The following MRC2 variants were observed in gnomAD, a reference collection of about 807,000 sequenced individuals.
MRC2 encodes mannose receptor C-type 2.
MRC2 carries 84 observed loss-of-function variants against 206.2 expected under a neutral mutation model. The ratio of observed to expected loss-of-function variants is 0.41; its 90% CI spans 0.34 to 0.49. MRC2 has a LOEUF of 0.49. MRC2 is among the 20% of genes least tolerant of loss of function. MRC2 has a pLI of 0.31. For synonymous variants in MRC2, 798 were observed against 800.0 expected (o/e 1.00, Z 0.04); for missense variants, 1,676 against 2,001.5 (o/e 0.84, Z 3.10).
chr17:62,674,702 G>GA (rs986068833), intron 9 of MRC2, among the ~76,000 whole-genome samples: 1 of 125,672 alleles, frequency 8.0e-6, no homozygotes, highest in African/African-American at 4.3e-5. Flanking sequence ...GGGAGGTTGA[G>GA]GGGGGGGGTG....
At chr17:62,689,802 G>T in intron 24 of MRC2, 42 bp downstream of exon 24, 1 of 1,530,160 alleles carries the variant, frequency 6.5e-7, no homozygotes, top group East Asian at 2.4e-5. Context: ...AGCCTTGCCC[G>T]GGTTCCCCTC....
In MRC2 at chr17:62,671,059, G is replaced by A. The variant is rs148064986; in HGVS notation, c.1118-590G>A. 3.2e-3 allele frequency among the ~76,000 whole-genome samples: 494 copies of A among 152,254 alleles called. 2 individuals are homozygous for A. Among genetic ancestry groups the A allele is most frequent in the Admixed American group, 7.7e-3 (118 of 15,300 alleles). ...GGCTGGTTTGTCCTTTCTACCCATC[G>A]TTTATTGACTGATTGATTGATGCAT... On this transcript the variant is annotated intron_variant, in intron 6 of 29. Transcript: ENST00000303375. This position sits in a 1 kb window ranked among gnomAD's most constrained non-coding sequence, Gnocchi z 4.5.
At position 62,678,355 on chromosome 17, in the gene MRC2, C is replaced by T. The variant is rs2088919439; in HGVS notation, c.2053-149C>T. On this transcript the variant is annotated intron_variant, in intron 12 of 29. Transcript: ENST00000303375. ...GCCAGCTCCCCTCCCCAGACCTCTG[C>T]AGATGAACAGGATTGTCCTTAGCTA... 2.1e-5 allele frequency: 23 copies of T among 1,102,536 alleles called. No individual in the cohort carries two copies. In the East Asian group the frequency reaches 3.7e-4, roughly 18 times the overall value. The allele number at this position is 1,102,536 out of a possible 1,614,324, so 68.3% of individuals were successfully genotyped here. A position where few individuals can be genotyped will look rare whatever the true frequency, so the allele number is the denominator to read the frequency against.
intron 6 of MRC2, among the ~76,000 whole-genome samples, chr17:62,668,068 G>A (rs973855333): frequency 6.6e-6 from 1 of 152,160 alleles, no homozygotes; most frequent in Non-Finnish European, 1.5e-5. Context: ...AAGGGGTGGT[G>A]AGTGATGGCC....
chr17:62,659,408 C>T (rs184540901), intron 1 of MRC2, among the ~76,000 whole-genome samples: 4 of 152,224 alleles, frequency 2.6e-5, no homozygotes, highest in African/African-American at 7.2e-5. Context: ...AGCATGGTGA[C>T]GCAGGCCTGT....
At chr17:62,674,248 T>TA in intron 9 of MRC2, 78 bp downstream of exon 9, 1 of 1,040,574 alleles carries the variant, frequency 9.6e-7, no homozygotes, top group Non-Finnish European at 1.4e-6. Context: ...GTGGATGAAC[T>TA]CCTGCTGCCT....
chr17:62,635,933 G>A (rs1598965009), intron 1 of MRC2, among the ~76,000 whole-genome samples: 4 of 151,530 alleles, frequency 2.6e-5, no homozygotes, highest in Non-Finnish European at 4.4e-5. Context: ...GACTACAGGC[G>A]CCCGCCACCA....
At chr17:62,654,094 C>A (rs1598975972) in intron 1 of MRC2, among the ~76,000 whole-genome samples, 1 of 152,126 alleles carries the variant, frequency 6.6e-6, no homozygotes, top group East Asian at 1.9e-4. Flanking sequence ...TGGCTGGCGG[C>A]CCTTTCAGGC....
At position 62,672,548 on chromosome 17, in the gene MRC2, C is replaced by G. The variant is rs2147472731; in HGVS notation, c.1461+396C>G. ...GCAAGCAGGGCTGCACTCTGCCAGC[C>G]CTCGCCCCCAGTGCTCTACCCAGTC... On this transcript the variant is annotated intron_variant, in intron 8 of 29. Coordinates refer to ENST00000303375, the MANE Select transcript of MRC2 (RefSeq NM_006039.5). The surrounding 1 kb of genome is among the most constrained non-coding windows in gnomAD (Gnocchi z 4.5). Among the ~76,000 whole-genome samples the G allele has an allele frequency of 6.6e-6, 1 of 152,292 alleles. No individual in the cohort carries two copies. Among genetic ancestry groups the G allele is most frequent in the East Asian group, 1.9e-4 (1 of 5,186 alleles).
chr17:62,658,275 C>T (rs2088640771), intron 1 of MRC2, among the ~76,000 whole-genome samples: 1 of 152,144 alleles, frequency 6.6e-6, no homozygotes, highest in South Asian at 2.1e-4. Context: ...GATTACAAAT[C>T]CTGCGAGGGG....
At chr17:62,655,578 A>G (rs2088608814) in intron 1 of MRC2, among the ~76,000 whole-genome samples, 1 of 151,540 alleles carries the variant, frequency 6.6e-6, no homozygotes, top group Admixed American at 6.6e-5. Context: ...TTAGCTGGGC[A>G]TGGTGGGGTG....
At chr17:62,636,252 A>C (rs1029582937) in intron 1 of MRC2, among the ~76,000 whole-genome samples, 2 of 16,122 alleles carry the variant, frequency 1.2e-4, no homozygotes, top group African/African-American at 6.0e-4. Flanking sequence ...CCCTGTCGCA[A>C]AAAAAAAAAA....
At chr17:62,665,957 CCATTG>C in intron 2 of MRC2, 132 bp from the exon 3 acceptor site, 1 of 842,312 alleles carries the variant, frequency 1.2e-6, no homozygotes, top group African/African-American at 1.7e-5. Flanking sequence ...CTATGGGGTG[CCATTG>C]CCTCTCCCAC....
chr17:62,685,753 G>C (rs751166576), intron 20 of MRC2, among the ~76,000 whole-genome samples: 2 of 152,070 alleles, frequency 1.3e-5, no homozygotes, highest in Non-Finnish European at 2.9e-5. Flanking sequence ...TGTTGTCCAG[G>C]CTGGTTTTGA....
chr17:62,670,614 C>T (rs1598986611), intron 6 of MRC2, among the ~76,000 whole-genome samples: 3 of 152,232 alleles, frequency 2.0e-5, no homozygotes, highest in African/African-American at 4.8e-5. Context: ...CAGCTGCCCT[C>T]GGATCCCAAC....
chr17:62,681,906 C>G lies in MRC2; in HGVS notation c.2772C>G (p.Asp924Glu), dbSNP rs757352273. Residue 924 changes from aspartate to glutamate, a missense_variant, in exon 19 of 30, where the codon GAC (aspartate) becomes GAG (glutamate). By Grantham distance (45) the Asp-to-Glu change is conservative. Transcript: ENST00000303375. ...APGKPRPVGK[D>E]KKCVYMTASR... ...GCAAACCTCGGCCTGTCGGCAAGGA[C>G]AAGAAGTGCGTGTACATGACAGCCA... 1.9e-6 allele frequency: 3 copies of G among 1,613,906 alleles called. No individual in the cohort carries two copies. Among genetic ancestry groups the G allele is most frequent in the Non-Finnish European group, 2.5e-6 (3 of 1,179,974 alleles).
chr17:62,674,705 G>T (rs571863106), intron 9 of MRC2, among the ~76,000 whole-genome samples: 1 of 151,998 alleles, frequency 6.6e-6, no homozygotes, highest in Non-Finnish European at 1.5e-5. Flanking sequence ...AGGTTGAGGG[G>T]GGGGGTGTCA....
At chr17:62,629,343 C>T (rs1009952565) in intron 1 of MRC2, among the ~76,000 whole-genome samples, 11 of 152,182 alleles carry the variant, frequency 7.2e-5, no homozygotes, top group South Asian at 2.1e-4. Context: ...CTCGGCCTTT[C>T]CCCCTGGAGC....
intron 13 of MRC2, 73 bp from the exon 14 acceptor site, chr17:62,679,727 C>T (rs2088936737): frequency 6.9e-7 from 1 of 1,440,680 alleles, no homozygotes; most frequent in Non-Finnish European, 9.6e-7. Flanking sequence ...CTGCAAGGGA[C>T]AGGGGGCACG....
Sources: gnomAD v4.1 joint callset for allele counts (sites outside exome capture counted in the v4.1 genomes callset) on GRCh38, gnomAD v4.1.1 for gene constraint, Gnocchi (gnomAD v3.1) non-coding constraint, MANE v1.5 for transcripts, NCBI Gene and HGNC (gene_info 2026-07-23, HGNC 2026-07-21) for gene names.